The following AKAP6 variants were observed in gnomAD, a reference collection of about 807,000 sequenced individuals.
AKAP6 encodes the protein A-kinase anchor protein 6.
A neutral mutation model predicts 188.5 loss-of-function variants in AKAP6; 58 were observed. The ratio of observed to expected loss-of-function variants is 0.31; its 90% confidence interval spans 0.25 to 0.38. The LOEUF is 0.38. Among genes scored for constraint, AKAP6 ranks in the 10% least tolerant of loss-of-function variants. The probability of loss-of-function intolerance (pLI) is 1.00; values close to 1 mark genes in which losing one functional copy is unlikely to be tolerated. For synonymous variants in AKAP6, 989 were observed against 998.6 expected (o/e 0.99, Z 0.18); for missense variants, 2,710 against 2,740.0 (o/e 0.99, Z 0.24).
intron 11 of AKAP6, among the ~76,000 whole-genome samples, chr14:32,738,971 C>T (rs1166856594): frequency 6.6e-6 from 1 of 152,090 alleles, no homozygotes; most frequent in Non-Finnish European, 1.5e-5. Flanking sequence ...GCCATAGTTT[C>T]CTGACCCTGC....
chr14:32,711,426 T>C (rs553316828), intron 9 of AKAP6, among the ~76,000 whole-genome samples: 15 of 152,200 alleles, frequency 9.9e-5, no homozygotes, highest in African/African-American at 3.4e-4. Context: ...CTACACTTCA[T>C]GTTTGGCCTT....
At chr14:32,578,869 A>G (rs921635808) in intron 5 of AKAP6, among the ~76,000 whole-genome samples, 1 of 151,942 alleles carries the variant, frequency 6.6e-6, no homozygotes, top group Non-Finnish European at 1.5e-5. Flanking sequence ...GTAACCAATG[A>G]GCACTCTCTT....
chr14:32,382,845 G>A lies in AKAP6; in HGVS notation c.-34-50615G>A, dbSNP rs543950018. On this transcript the variant is annotated intron_variant, in intron 1 of 13. Coordinates refer to ENST00000280979, the MANE Select transcript of AKAP6 (RefSeq NM_004274.5). ...GCAGTGATTTGGATGTGGTTGCCTG[G>A]AATAGGAGAGATGTGGTAGCAGCTG... 5.9e-5 allele frequency among the ~76,000 whole-genome samples: 9 copies of A among 152,254 alleles called. No individual in the cohort carries two copies. In the South Asian group the frequency reaches 1.9e-3, roughly 32 times the overall value.
chr14:32,759,842 C>T (rs1488017915), intron 11 of AKAP6, among the ~76,000 whole-genome samples: 1 of 152,184 alleles, frequency 6.6e-6, no homozygotes, highest in Non-Finnish European at 1.5e-5. Context: ...ATGACCCAAA[C>T]ACCTCCCACC....
intron 11 of AKAP6, among the ~76,000 whole-genome samples, chr14:32,737,430 A>G (rs973357760): frequency 2.6e-5 from 4 of 152,208 alleles, no homozygotes; most frequent in Non-Finnish European, 5.9e-5. Context: ...ATATAATAAT[A>G]ACGTAATATA....
chr14:32,639,510 G>A (rs967918151), intron 7 of AKAP6, among the ~76,000 whole-genome samples: 3 of 152,114 alleles, frequency 2.0e-5, no homozygotes, highest in African/African-American at 7.2e-5. Context: ...GGTTCATTGA[G>A]TATCTTCTAT....
intron 7 of AKAP6, among the ~76,000 whole-genome samples, chr14:32,611,168 G>C (rs186201201): frequency 1.4e-3 from 215 of 152,238 alleles, no homozygotes; most frequent in African/African-American, 5.0e-3. Flanking sequence ...AAGGGTTAAC[G>C]ATGACTTAAA....
chr14:32,390,271 T>A (rs532148877), intron 1 of AKAP6, among the ~76,000 whole-genome samples: 2 of 152,280 alleles, frequency 1.3e-5, no homozygotes, highest in East Asian at 3.9e-4. Context: ...TTTTTTGGAT[T>A]TCCTTACATT....
rs1416158191 is a variant in AKAP6 at position 32,539,994 on chromosome 14, C to T, written c.576+4189C>T. Among the ~76,000 whole-genome samples the T allele has an allele frequency of 2.7e-5, 4 of 150,690 alleles. 1 individual carries two copies. Among genetic ancestry groups the T allele is most frequent in the South Asian group, 4.2e-4 (2 of 4,748 alleles). Reference sequence around the variant, plus strand: ...GTTAGATTTCATGTTCAGTTGGTGGCGAAACATAGTGTTAACAAAAAGAAA... The same window carrying T: ...GTTAGATTTCATGTTCAGTTGGTGGTGAAACATAGTGTTAACAAAAAGAAA... On this transcript the variant is annotated intron_variant, in intron 3 of 13. Coordinates refer to ENST00000280979, the MANE Select transcript of AKAP6 (RefSeq NM_004274.5).
chr14:32,743,296 T>C (rs1391343139), intron 11 of AKAP6, among the ~76,000 whole-genome samples: 7 of 152,150 alleles, frequency 4.6e-5, no homozygotes, highest in Admixed American at 4.6e-4. Context: ...AACGGATCAA[T>C]GGGTTTTATT....
At chr14:32,428,044 C>G (rs1257123747) in intron 1 of AKAP6, among the ~76,000 whole-genome samples, 1 of 152,148 alleles carries the variant, frequency 6.6e-6, no homozygotes, top group African/African-American at 2.4e-5. Flanking sequence ...TGATAATGCT[C>G]TTACATGGAA....
At chr14:32,562,685 G>C (rs746183954) in intron 4 of AKAP6, among the ~76,000 whole-genome samples, 1 of 152,128 alleles carries the variant, frequency 6.6e-6, no homozygotes, top group Non-Finnish European at 1.5e-5. Flanking sequence ...TTGAACCTGG[G>C]AGGCGGAGTT....
intron 2 of AKAP6, chr14:32,474,538 G>A (rs1878958187): frequency 6.6e-6 from 1 of 152,172 alleles, no homozygotes; most frequent in Non-Finnish European, 1.5e-5. Context: ...GAATTCTTTA[G>A]GAGAGAAGAA....
At chr14:32,338,248 C>T (rs760390865) in intron 1 of AKAP6, among the ~76,000 whole-genome samples, 1 of 151,946 alleles carries the variant, frequency 6.6e-6, no homozygotes, top group Non-Finnish European at 1.5e-5. Context: ...GGTTCTTAGA[C>T]CTTAACACCA....
chr14:32,761,131 A>G (rs2032522754), intron 11 of AKAP6, among the ~76,000 whole-genome samples: 1 of 145,072 alleles, frequency 6.9e-6, no homozygotes, highest in Non-Finnish European at 1.5e-5. Context: ...TGAAGTTTAT[A>G]AAGCCATCTC....
intron 12 of AKAP6, among the ~76,000 whole-genome samples, chr14:32,785,295 A>G (rs2033367735): frequency 6.6e-6 from 1 of 152,220 alleles, no homozygotes; most frequent in Admixed American, 6.5e-5. Context: ...GAAATAACAG[A>G]ATAAAGAAAG....
intron 1 of AKAP6, among the ~76,000 whole-genome samples, chr14:32,366,749 T>C (rs1178159076): frequency 6.6e-6 from 1 of 152,036 alleles, no homozygotes; most frequent in East Asian, 1.9e-4. Context: ...GAAAGTGGTA[T>C]GGTCATCAAA....
intron 1 of AKAP6, among the ~76,000 whole-genome samples, chr14:32,419,769 A>AT (rs199755660): frequency 1.3e-5 from 2 of 152,080 alleles, no homozygotes; most frequent in Non-Finnish European, 2.9e-5. Flanking sequence ...AGCATTTTGT[A>AT]TTAAAAAAAA....
chr14:32,419,701 T>C (rs1436369756), intron 1 of AKAP6, among the ~76,000 whole-genome samples: 1 of 152,114 alleles, frequency 6.6e-6, no homozygotes, highest in Non-Finnish European at 1.5e-5. Flanking sequence ...GAAGCAGTTC[T>C]TTCTTGAAGG....
Sources: allele counts gnomAD v4.1 joint callset (sites outside exome capture counted in the v4.1 genomes callset), GRCh38; gene constraint gnomAD v4.1.1; transcripts MANE v1.5; gene names NCBI Gene and HGNC (gene_info 2026-07-23, HGNC 2026-07-21).